KLF12: variants seen among roughly 807,000 people sequenced by gnomAD.
The protein encoded by KLF12 is KLF transcription factor 12, also known as Krueppel-like factor 12.
In KLF12, 9 loss-of-function variants were observed where a neutral mutation model predicts 37.8. That is an observed-to-expected ratio of 0.24 (90% CI 0.14 to 0.42). The LOEUF (loss-of-function observed/expected upper bound fraction) is 0.42. KLF12 is among the 10% of genes least tolerant of loss of function. KLF12 has a pLI of 1.00. For synonymous variants in KLF12, 208 were observed against 202.1 expected (o/e 1.03, Z -0.25); for missense variants, 411 against 516.0 (o/e 0.80, Z 1.97).
intron 1 of KLF12, among the ~76,000 whole-genome samples, chr13:74,104,847 C>A (rs1203949957): frequency 6.6e-6 from 1 of 152,166 alleles, no homozygotes; most frequent in Non-Finnish European, 1.5e-5. Flanking sequence ...GGCTCTCATA[C>A]TTGAAACTTA....
intron 2 of KLF12, among the ~76,000 whole-genome samples, chr13:73,975,631 A>T (rs1461151053): frequency 6.6e-6 from 1 of 152,042 alleles, no homozygotes; most frequent in African/African-American, 2.4e-5. Context: ...CTCCTCACAA[A>T]CACACCTTCT....
At chr13:74,082,834 CG>C (rs1236779232) in intron 1 of KLF12, among the ~76,000 whole-genome samples, 1 of 151,956 alleles carries the variant, frequency 6.6e-6, no homozygotes, top group African/African-American at 2.4e-5. Flanking sequence ...AGCATTTTCC[CG>C]GGGCAGGGAA....
chr13:73,822,745 G>T (rs1467860784), intron 4 of KLF12, among the ~76,000 whole-genome samples: 3 of 152,074 alleles, frequency 2.0e-5, no homozygotes, highest in African/African-American at 7.2e-5. Context: ...GAGCATAAAA[G>T]GCTTTTGTGA....
At chr13:74,182,637 A>G in the KLF12 span, among the ~76,000 whole-genome samples, 2 of 152,238 alleles carry the variant, frequency 1.3e-5, no homozygotes, top group Non-Finnish European at 2.9e-5. Context: ...TGCAGAAGAA[A>G]GAAGAGCAAT....
intron 5 of KLF12, among the ~76,000 whole-genome samples, chr13:73,791,587 G>C (rs1881690534): frequency 6.6e-6 from 1 of 152,148 alleles, no homozygotes; most frequent in Non-Finnish European, 1.5e-5. Flanking sequence ...CTTATGCTCT[G>C]CATATCTAGG....
At chr13:74,171,580 T>C in the KLF12 span, among the ~76,000 whole-genome samples, 11 of 152,212 alleles carry the variant, frequency 7.2e-5, no homozygotes, top group East Asian at 1.9e-4. Context: ...TGAATTTTTC[T>C]CTTTGTTGGA....
intron 5 of KLF12, among the ~76,000 whole-genome samples, chr13:73,795,992 T>C (rs954045209): frequency 6.6e-6 from 1 of 152,206 alleles, no homozygotes; most frequent in Non-Finnish European, 1.5e-5. Flanking sequence ...AATAAGTATA[T>C]TTTGAATGGG....
At chr13:73,826,937 A>G (rs991453366) in intron 4 of KLF12, among the ~76,000 whole-genome samples, 1 of 152,106 alleles carries the variant, frequency 6.6e-6, no homozygotes, top group Non-Finnish European at 1.5e-5. Context: ...GTGGGCCATC[A>G]TGCCTGGTTA....
intron 5 of KLF12, among the ~76,000 whole-genome samples, chr13:73,780,554 A>G (rs958610056): frequency 1.3e-5 from 2 of 150,926 alleles, no homozygotes; most frequent in Non-Finnish European, 2.9e-5. Context: ...ATCTTGGCTC[A>G]CCGCAACCTC....
chr13:74,012,641 T>G (rs1283913516), intron 1 of KLF12, among the ~76,000 whole-genome samples: 1 of 152,252 alleles, frequency 6.6e-6, no homozygotes, highest in Non-Finnish European at 1.5e-5. Context: ...CATTCAGTTG[T>G]TATCTTACTG....
rs114324597 is a variant in KLF12 at position 73,771,737 on chromosome 13, G to A, written c.807-6737C>T. On this transcript the variant is annotated intron_variant, in intron 5 of 7. Coordinates refer to ENST00000377669, the MANE Select transcript of KLF12 (RefSeq NM_007249.5). ...ACAGGTAGTAACTATTACAAAATAAGATAGGAAAATTATAAGAGATTTCAA... is the reference window on the plus strand; with the variant it reads ...ACAGGTAGTAACTATTACAAAATAAAATAGGAAAATTATAAGAGATTTCAA... 4.7e-3 allele frequency among the ~76,000 whole-genome samples: 714 copies of A among 152,278 alleles called. 2 individuals are homozygous for A. Among genetic ancestry groups the A allele is most frequent in the African/African-American group, 0.017 (690 of 41,552 alleles).
intron 2 of KLF12, among the ~76,000 whole-genome samples, chr13:73,978,090 G>C (rs544511800): frequency 6.6e-6 from 1 of 152,068 alleles, no homozygotes; most frequent in Admixed American, 6.5e-5. Context: ...CAAAACCAAA[G>C]ACACAATCCA....
At chr13:73,955,132 A>G (rs1382339901) in intron 2 of KLF12, among the ~76,000 whole-genome samples, 2 of 152,196 alleles carry the variant, frequency 1.3e-5, no homozygotes, top group Admixed American at 6.5e-5. Context: ...CAATGTATAT[A>G]AACTGCTTAG....
intron 1 of KLF12, among the ~76,000 whole-genome samples, chr13:74,108,112 A>G (rs1211904790): frequency 6.6e-6 from 1 of 152,176 alleles, no homozygotes; most frequent in Non-Finnish European, 1.5e-5. Context: ...AATGTATTAT[A>G]ACTCACAATA....
chr13:74,265,800 A>G, the KLF12 span, among the ~76,000 whole-genome samples: 6 of 152,360 alleles, frequency 3.9e-5, no homozygotes, highest in African/African-American at 1.2e-4. Context: ...AAGAGTTATT[A>G]TGAAAGGAAA....
In KLF12 at chr13:73,717,988, G is replaced by GT. The variant is rs542182070; in HGVS notation, c.870-2464dup. Among the ~76,000 whole-genome samples, 393 of 152,284 alleles carry GT rather than the reference G, an allele frequency of 2.6e-3. 1 individual carries two copies. Among genetic ancestry groups the GT allele is most frequent in the African/African-American group, 8.8e-3 (367 of 41,562 alleles). On this transcript the variant is annotated intron_variant, in intron 6 of 7. Coordinates refer to ENST00000377669, the MANE Select transcript of KLF12 (RefSeq NM_007249.5). Reference sequence around the variant, plus strand: ...TGAAAAAAAGGAAGTCATTCATAGTGTTGTACAATGTTTAACATCTTTTAA... The same window carrying GT: ...TGAAAAAAAGGAAGTCATTCATAGTGTTTGTACAATGTTTAACATCTTTTAA...
Position 73,695,462 on chromosome 13 carries a change from T to C in KLF12, c.*28A>G, listed in dbSNP as rs1236711294. ...TGGGTGCCGCTAAGAGATCCAGCTC[T>C]TACGCTCAGCTGGACAGGTAGCATT... On this transcript the variant is annotated 3_prime_UTR_variant, in exon 8 of 8. Coordinates refer to ENST00000377669, the MANE Select transcript of KLF12 (RefSeq NM_007249.5). 1.4e-5 allele frequency: 22 copies of C among 1,608,158 alleles called. No homozygotes were observed. The highest frequency in any genetic ancestry group is 1.9e-5 in the Non-Finnish European group (22 of 1,175,924).
At chr13:73,775,072 C>T (rs929362008) in intron 5 of KLF12, among the ~76,000 whole-genome samples, 10 of 152,002 alleles carry the variant, frequency 6.6e-5, no homozygotes, top group African/African-American at 2.4e-4. Flanking sequence ...TATGTGCCAC[C>T]ATGCCTGGCT....
intron 3 of KLF12, among the ~76,000 whole-genome samples, chr13:73,877,552 T>C (rs1468833977): frequency 6.6e-6 from 1 of 152,200 alleles, no homozygotes; most frequent in African/African-American, 2.4e-5. Flanking sequence ...TATCAGCATT[T>C]TGAAAATATT....
Sources: allele counts gnomAD v4.1 joint callset (sites outside exome capture counted in the v4.1 genomes callset), GRCh38; gene constraint gnomAD v4.1.1; transcripts MANE v1.5; gene names NCBI Gene and HGNC (gene_info 2026-07-23, HGNC 2026-07-21).